PCDHGA1: variants seen among roughly 807,000 people sequenced by gnomAD.
PCDHGA1 encodes protocadherin gamma subfamily A, 1.
A neutral mutation model predicts 58.0 loss-of-function variants in PCDHGA1; 32 were observed. That is an observed-to-expected ratio of 0.55 (90% CI 0.42 to 0.74). PCDHGA1 has a LOEUF of 0.74. Among genes scored for constraint, PCDHGA1 ranks in the 30% least tolerant of loss-of-function variants. The probability of loss-of-function intolerance (pLI) is 0.00; values close to 1 mark genes in which losing one functional copy is unlikely to be tolerated. For missense variants in PCDHGA1, 1,205 were observed against 1,182.3 expected (o/e 1.02, Z -0.28); for synonymous variants, 498 against 501.1 (o/e 0.99, Z 0.08).
chr5:141,404,002 A>T, intron 1 of PCDHGA1: 1 of 1,613,928 alleles, frequency 6.2e-7, no homozygotes, highest in Non-Finnish European at 8.5e-7. Flanking sequence ...TGACCATTAC[A>T]TCTCTGTTTA....
intron 3 of PCDHGA1, among the ~76,000 whole-genome samples, chr5:141,509,044 C>G (rs1385744160): frequency 1.3e-5 from 2 of 152,130 alleles, no homozygotes. Flanking sequence ...CCCTCTCCCC[C>G]GCCCCCAGAA....
intron 1 of PCDHGA1, chr5:141,344,936 A>G (rs745857487): frequency 3.1e-6 from 5 of 1,613,966 alleles, no homozygotes; most frequent in Non-Finnish European, 4.2e-6. Flanking sequence ...GTGGAGAAGT[A>G]TCAATATTAA....
In PCDHGA1 at chr5:141,339,307, T is replaced by A. The variant is rs760608147; in HGVS notation, c.2421+6202T>A. 11 of 1,614,156 alleles carry A rather than the reference T, an allele frequency of 6.8e-6. No individual in the cohort carries two copies. In the African/African-American group the frequency reaches 1.3e-4, roughly 20 times the overall value. On this transcript the variant is annotated intron_variant, in intron 1 of 3. Transcript: ENST00000517417. Reference sequence around the variant, plus strand: ...TGAATTTTAACATTCTGCTGGAGGATAAATTGACTATTTATTCAGTAGAGG... The same window carrying A: ...TGAATTTTAACATTCTGCTGGAGGAAAAATTGACTATTTATTCAGTAGAGG...
chr5:141,458,464 G>A (rs1035826436), intron 1 of PCDHGA1, among the ~76,000 whole-genome samples: 30 of 152,030 alleles, frequency 2.0e-4, no homozygotes, highest in Admixed American at 9.8e-4. Flanking sequence ...TTAAAATACC[G>A]TACAACTGCA....
chr5:141,439,830 C>T (rs2098134193), intron 1 of PCDHGA1: 1 of 152,352 alleles, frequency 6.6e-6, no homozygotes, highest in South Asian at 2.1e-4. Context: ...GCTGGAGCAG[C>T]AGCAACTCTA....
At chr5:141,478,586 T>C (rs754157570) in intron 1 of PCDHGA1, 6 of 1,576,788 alleles carry the variant, frequency 3.8e-6, no homozygotes, top group Non-Finnish European at 3.4e-6. Context: ...GTTAGTGCTT[T>C]TTTATTCCTA....
chr5:141,381,355 C>T (rs1431564536), intron 1 of PCDHGA1, among the ~76,000 whole-genome samples: 1 of 152,222 alleles, frequency 6.6e-6, no homozygotes, highest in Admixed American at 6.5e-5. Context: ...TTTCTGCTAG[C>T]AGAGGGTAGC....
intron 1 of PCDHGA1, chr5:141,410,447 C>G (rs760711107): frequency 1.2e-6 from 2 of 1,613,984 alleles, no homozygotes; most frequent in Non-Finnish European, 1.7e-6. Context: ...GGGGACTTTG[C>G]CTTATTCTTA....
Position 141,331,259 on chromosome 5 carries a change from C to T in PCDHGA1, c.575C>T (p.Pro192Leu). ...CAGGGAGCCGATGGGCCTCAACATC[C>T]AGAGATGGTGCTGCAGAGTCCCTTA... ...VQQGADGPQH[P>L]EMVLQSPLDR... Residue 192 changes from proline to leucine, a missense_variant, in exon 1 of 4, where the codon CCA (proline) becomes CTA (leucine). By Grantham distance (98) the Pro-to-Leu change is moderately conservative. Coordinates refer to ENST00000517417, the MANE Select transcript of PCDHGA1 (RefSeq NM_018912.3). 1 of 1,614,142 alleles carries T rather than the reference C, an allele frequency of 6.2e-7. No individual in the cohort carries two copies. Among genetic ancestry groups the T allele is most frequent in the Non-Finnish European group, 8.5e-7 (1 of 1,180,044 alleles).
intron 1 of PCDHGA1, chr5:141,364,466 G>A (rs1391136210): frequency 6.2e-7 from 1 of 1,613,872 alleles, no homozygotes; most frequent in African/African-American, 1.3e-5. Context: ...CTCCTTCGTC[G>A]GCAACATAGC....
chr5:141,365,232 T>A (rs762059066), intron 1 of PCDHGA1: 2 of 1,613,878 alleles, frequency 1.2e-6, no homozygotes, highest in East Asian at 4.5e-5. Flanking sequence ...CTGGGGGAAA[T>A]CTCAACTCTA....
chr5:141,360,819 C>A (rs1761756453), intron 1 of PCDHGA1: 6 of 1,613,870 alleles, frequency 3.7e-6, no homozygotes. Context: ...CGACCCAAAT[C>A]CGAATCAAAG....
chr5:141,440,578 C>T (rs2098188646), intron 1 of PCDHGA1: 1 of 152,138 alleles, frequency 6.6e-6, no homozygotes, highest in Non-Finnish European at 1.5e-5. Flanking sequence ...CTGAGTTTAC[C>T]CAGCTGGAAC....
In PCDHGA1 at chr5:141,331,242, C is replaced by T. The variant is rs1192623937; in HGVS notation, c.558C>T (p.Ala186=). Residue 186 remains alanine (A), a synonymous_variant, in exon 1 of 4, where the codon GCC becomes GCT. Transcript: ENST00000517417. ...PHFSLDVQQG[A]DGPQHPEMVL... Reference sequence around the variant, plus strand: ...TCTCCCTGGATGTGCAACAGGGAGCCGATGGGCCTCAACATCCAGAGATGG... The same window carrying T: ...TCTCCCTGGATGTGCAACAGGGAGCTGATGGGCCTCAACATCCAGAGATGG... 1 of 1,613,944 alleles carries T rather than the reference C, an allele frequency of 6.2e-7. No individual in the cohort carries two copies. Among genetic ancestry groups the T allele is most frequent in the Admixed American group, 1.7e-5 (1 of 59,986 alleles).
At chr5:141,384,383 C>T in intron 1 of PCDHGA1, 1 of 1,613,946 alleles carries the variant, frequency 6.2e-7, no homozygotes. Flanking sequence ...GCCGAAGACA[C>T]CATCCAGGGG....
intron 1 of PCDHGA1, among the ~76,000 whole-genome samples, chr5:141,358,290 T>G (rs528714629): frequency 2.0e-5 from 3 of 152,376 alleles, no homozygotes; most frequent in Admixed American, 1.3e-4. Context: ...AAGGCAATTG[T>G]GTAAATTCAC....
chr5:141,432,992 G>A lies in PCDHGA1; in HGVS notation c.2422-61815G>A, dbSNP rs777975384. On this transcript the variant is annotated intron_variant, in intron 1 of 3. Coordinates refer to ENST00000517417, the MANE Select transcript of PCDHGA1 (RefSeq NM_018912.3). The surrounding 1 kb of genome is among the most constrained non-coding windows in gnomAD (Gnocchi z 6.0). The stretch of plus-strand genomic sequence containing the variant: ...GGCGTCGCACTTTGTGGGCGTGGAC[G>A]GGGTGCAGGCTTTCCTGCAGACCTA... 1.9e-6 allele frequency: 3 copies of A among 1,614,174 alleles called. No homozygotes were observed. In the Admixed American group the frequency reaches 5.0e-5, roughly 27 times the overall value.
chr5:141,462,423 G>A (rs1367388191), intron 1 of PCDHGA1, among the ~76,000 whole-genome samples: 1 of 151,820 alleles, frequency 6.6e-6, no homozygotes, highest in East Asian at 1.9e-4. Context: ...GTCTATCTTG[G>A]TGAGTGTTGC....
chr5:141,331,170 G>A lies in PCDHGA1; in HGVS notation c.486G>A (p.Val162=), dbSNP rs376813967. The part of the protein sequence containing the change: ...VSLPFGQDLD[V]GMNSLQSYQL... ...TGCCTTTTGGGCAAGACCTTGATGT[G>A]GGTATGAACTCACTCCAGAGCTACC... Residue 162 remains valine, a synonymous_variant, in exon 1 of 4, where the codon GTG becomes GTA. Coordinates refer to ENST00000517417, the MANE Select transcript of PCDHGA1 (RefSeq NM_018912.3). 2 of 1,614,084 alleles carry A rather than the reference G, an allele frequency of 1.2e-6. No homozygotes were observed. Among genetic ancestry groups the A allele is most frequent in the South Asian group, 1.1e-5 (1 of 91,066 alleles).
Sources: allele counts gnomAD v4.1 joint callset (sites outside exome capture counted in the v4.1 genomes callset), GRCh38; gene constraint gnomAD v4.1.1; non-coding constraint Gnocchi (gnomAD v3.1); transcripts MANE v1.5; gene names NCBI Gene and HGNC (gene_info 2026-07-23, HGNC 2026-07-21).